The following ZEB2 variants were observed in gnomAD, a reference collection of about 807,000 sequenced individuals.
The protein encoded by ZEB2 is zinc finger E-box binding homeobox 2, also known as zinc finger E-box-binding homeobox 2.
A neutral mutation model predicts 99.9 loss-of-function variants in ZEB2; 6 were observed. The ratio of observed to expected loss-of-function variants is 0.06; its 90% confidence interval spans 0.03 to 0.12. The LOEUF is 0.12. ZEB2 is among the 10% of genes least tolerant of loss of function. The probability of loss-of-function intolerance (pLI) is 1.00; values close to 1 mark genes in which losing one functional copy is unlikely to be tolerated. For synonymous variants in ZEB2, 517 were observed against 542.5 expected (o/e 0.95, Z 0.65); for missense variants, 969 against 1,502.8 (o/e 0.64, Z 5.87).
At chr2:144,514,458 A>G (rs1705096841) in intron 2 of ZEB2, 2 of 152,234 alleles carry the variant, frequency 1.3e-5, no homozygotes, top group South Asian at 4.1e-4. Flanking sequence ...TTTGATAAGC[A>G]TCATCATATT....
intron 2 of ZEB2, among the ~76,000 whole-genome samples, chr2:144,489,837 A>G (rs80105839): frequency 0.017 from 2,579 of 152,302 alleles, 36 homozygotes; most frequent in Non-Finnish European, 0.023. Flanking sequence ...AATATCAACA[A>G]CAGCAAACTC....
At chr2:144,396,328 A>C (rs1273121867) in intron 9 of ZEB2, 84 bp downstream of exon 9, 6 of 1,526,880 alleles carry the variant, frequency 3.9e-6, no homozygotes, top group Middle Eastern at 2.3e-4. Flanking sequence ...GTTACATCTT[A>C]TGTTGCACAA....
chr2:144,505,672 G>C (rs1188327360), intron 2 of ZEB2, among the ~76,000 whole-genome samples: 2 of 152,198 alleles, frequency 1.3e-5, no homozygotes, highest in Admixed American at 6.5e-5. Flanking sequence ...GCCTGTCTCT[G>C]CATTTATCAC....
chr2:144,454,748 C>A (rs991161102), intron 2 of ZEB2, among the ~76,000 whole-genome samples: 2 of 152,132 alleles, frequency 1.3e-5, no homozygotes, highest in Admixed American at 6.6e-5. Flanking sequence ...CTAAAAGCTT[C>A]AACCCTGCTC....
At chr2:144,488,845 G>T (rs1704636603) in intron 2 of ZEB2, among the ~76,000 whole-genome samples, 1 of 152,110 alleles carries the variant, frequency 6.6e-6, no homozygotes, top group South Asian at 2.1e-4. Context: ...CAGAGAAATG[G>T]ACTGGTTACT....
At chr2:144,449,315 A>G (rs1195156675) in intron 2 of ZEB2, among the ~76,000 whole-genome samples, 1 of 152,100 alleles carries the variant, frequency 6.6e-6, no homozygotes, top group Non-Finnish European at 1.5e-5. Context: ...GTGCTTTGTT[A>G]TTTCCTTCTG....
chr2:144,460,710 A>T (rs1006622388), intron 2 of ZEB2, among the ~76,000 whole-genome samples: 2 of 152,158 alleles, frequency 1.3e-5, no homozygotes, highest in African/African-American at 4.8e-5. Context: ...ATTCAAATTT[A>T]AAAATAATGA....
chr2:144,405,241 C>T, intron 4 of ZEB2: 1 of 581,798 alleles, frequency 1.7e-6, no homozygotes, highest in Non-Finnish European at 3.0e-6. Flanking sequence ...TAAATAAGCA[C>T]ATTTTATTTT....
chr2:144,482,813 C>A (rs1452108139), intron 2 of ZEB2, among the ~76,000 whole-genome samples: 1 of 151,734 alleles, frequency 6.6e-6, no homozygotes, highest in Non-Finnish European at 1.5e-5. Context: ...TCTTCCCTCA[C>A]CACCTTATTT....
At chr2:144,438,165 A>G (rs1446059185) in intron 2 of ZEB2, among the ~76,000 whole-genome samples, 2 of 152,212 alleles carry the variant, frequency 1.3e-5, no homozygotes, top group Non-Finnish European at 2.9e-5. Flanking sequence ...TAGCCTATCC[A>G]TAAAAATAAT....
chr2:144,394,989 C>CTTT (rs869207772), intron 9 of ZEB2, among the ~76,000 whole-genome samples: 119 of 85,220 alleles, frequency 1.4e-3, no homozygotes, highest in African/African-American at 2.0e-3. Flanking sequence ...CTTCCCTTCG[C>CTTT]TTTTTTTTTT....
intron 4 of ZEB2, chr2:144,424,317 T>C (rs1438581285): frequency 7.8e-6 from 4 of 514,054 alleles, no homozygotes; most frequent in Non-Finnish European, 1.5e-5. Flanking sequence ...AAAGAAAGGA[T>C]TAAAAGGAAC....
At chr2:144,511,614 T>C (rs1374620495) in intron 2 of ZEB2, 3 of 1,286,454 alleles carry the variant, frequency 2.3e-6, no homozygotes, top group Non-Finnish European at 2.0e-6. Flanking sequence ...ACAGCCCAAA[T>C]AGTCATTCAA....
intron 2 of ZEB2, among the ~76,000 whole-genome samples, chr2:144,464,964 A>C (rs1704251709): frequency 1.3e-5 from 2 of 152,150 alleles, no homozygotes; most frequent in South Asian, 4.1e-4. Context: ...ACTTTCCAAG[A>C]GTAAATATGT....
chr2:144,447,541 T>C (rs1460804090), intron 2 of ZEB2, among the ~76,000 whole-genome samples: 1 of 152,168 alleles, frequency 6.6e-6, no homozygotes, highest in Non-Finnish European at 1.5e-5. Flanking sequence ...AATTTTTGAC[T>C]AGAAAACAAC....
intron 7 of ZEB2, among the ~76,000 whole-genome samples, chr2:144,400,511 G>T (rs921291558): frequency 6.6e-6 from 1 of 152,210 alleles, no homozygotes; most frequent in Non-Finnish European, 1.5e-5. Flanking sequence ...TTTCAGCTGA[G>T]ATCCCAAATC....
chr2:144,413,541 C>T (rs1313835838), intron 4 of ZEB2, among the ~76,000 whole-genome samples: 1 of 152,190 alleles, frequency 6.6e-6, no homozygotes, highest in Admixed American at 6.5e-5. Context: ...ATCTCTTTCT[C>T]CACCTTATTT....
chr2:144,397,678 T>C (rs1266802019), intron 8 of ZEB2: 1 of 156,882 alleles, frequency 6.4e-6, no homozygotes, highest in African/African-American at 2.4e-5. Flanking sequence ...TCTTGCTCTG[T>C]CTCTCAGGCT....
chr2:144,513,449 C>G, intron 2 of ZEB2: 1 of 1,466,074 alleles, frequency 6.8e-7, no homozygotes, highest in South Asian at 1.2e-5. Context: ...TCAAATTTAA[C>G]TTTTCCTTTC....
Sources: allele counts gnomAD v4.1 joint callset (sites outside exome capture counted in the v4.1 genomes callset), GRCh38; gene constraint gnomAD v4.1.1; transcripts MANE v1.5; gene names NCBI Gene and HGNC (gene_info 2026-07-23, HGNC 2026-07-21).